The following KCTD19 variants were observed in gnomAD, a reference collection of about 807,000 sequenced individuals.
The protein encoded by KCTD19 is BTB/POZ domain-containing protein KCTD19.
Under a neutral mutation model 103.5 loss-of-function variants are expected in KCTD19, and 67 were observed. The observed-to-expected ratio is 0.65, with a 90% CI of 0.53 to 0.79. The LOEUF is 0.79. KCTD19 is among the 30% of genes least tolerant of loss of function. The pLI, the probability that KCTD19 is intolerant of heterozygous loss-of-function variation, is 0.00. For missense variants in KCTD19, 980 were observed against 1,136.1 expected (o/e 0.86, Z 1.98); for synonymous variants, 439 against 452.2 (o/e 0.97, Z 0.37).
rs374733007 is a variant in KCTD19, at chr16:67,293,740, G to A, written c.2022C>T (p.Ser674=). ...AGGTGCTGGGCTGGGAAGCAGCCTC[G>A]CTTCCCAAGGGGAGCTGCAGGGTGG... ...EEATLQLPLG[S]EAASQPSTSA... Residue 674 remains serine (S), a synonymous_variant, in exon 12 of 16, where the codon AGC becomes AGT. Coordinates refer to ENST00000304372, the MANE Select transcript of KCTD19 (RefSeq NM_001100915.3). This position sits in a 1 kb window ranked among gnomAD's most constrained non-coding sequence, Gnocchi z 4.0. The A allele has an allele frequency of 5.6e-6, 9 of 1,613,984 alleles. No individual in the cohort carries two copies. The highest frequency in any genetic ancestry group is 4.5e-5 in the East Asian group (2 of 44,860).
rs775309307 is a variant in KCTD19 at position 67,294,073 on chromosome 16, C to T, written c.1689G>A (p.Glu563=). The T allele has an allele frequency of 1.9e-6, 3 of 1,614,218 alleles. No individual in the cohort carries two copies. The highest frequency in any genetic ancestry group is 2.5e-6 in the Non-Finnish European group (3 of 1,180,040). The change falls in exon 12 of 16, where the codon GAG becomes GAA. Residue 563 remains glutamate, a synonymous_variant. Coordinates refer to ENST00000304372, the MANE Select transcript of KCTD19 (RefSeq NM_001100915.3). ...GGATGGGCCGAGTGTACTGCTCAGC[C>T]TCATCCATCTGGTTGGACCTGACCA... ...GNLVRSNQMD[E]AEQYTRPIQV... is the part of the protein sequence containing the mutation.
chr16:67,299,250 G>A, intron 6 of KCTD19, 113 bp downstream of exon 6: 2 of 931,066 alleles, frequency 2.1e-6, no homozygotes, highest in Non-Finnish European at 3.4e-6. Flanking sequence ...ATGATGGGCT[G>A]GCCCCAAGGA....
intron 4 of KCTD19, 37 bp from the exon 5 acceptor site, chr16:67,301,959 G>T (rs202093035): frequency 1.2e-6 from 2 of 1,609,750 alleles, no homozygotes; most frequent in African/African-American, 1.3e-5. Context: ...AGTTAATGAG[G>T]CTATTTCTGG....
At chr16:67,314,746 C>T (rs1258359017) in intron 2 of KCTD19, among the ~76,000 whole-genome samples, 1 of 145,802 alleles carries the variant, frequency 6.9e-6, no homozygotes, top group Non-Finnish European at 1.5e-5. Context: ...TATAATCATA[C>T]AATAAGACTG....
chr16:67,296,899 A>G (rs2036771139), intron 7 of KCTD19, among the ~76,000 whole-genome samples: 1 of 152,196 alleles, frequency 6.6e-6, no homozygotes, highest in Admixed American at 6.5e-5. Context: ...TCCAGGAAGA[A>G]AGGGACTAAG....
intron 2 of KCTD19, among the ~76,000 whole-genome samples, chr16:67,314,830 TAGAGAGAGAGAG>T (rs71145965): frequency 2.7e-4 from 9 of 33,650 alleles, no homozygotes; most frequent in African/African-American, 8.5e-4. Context: ...TATATATATA[TAGAGAGAGAGAG>T]AGAGAGAGAG....
chr16:67,301,976 T>C, intron 4 of KCTD19, 54 bp from the exon 5 acceptor site: 1 of 1,589,934 alleles, frequency 6.3e-7, no homozygotes, highest in South Asian at 1.1e-5. Flanking sequence ...CTGGTTTAGC[T>C]GTAGGTCCTG....
chr16:67,289,546 G>A lies in KCTD19; in HGVS notation c.*23C>T, dbSNP rs1028282262. 4 of 1,453,420 alleles carry A rather than the reference G, an allele frequency of 2.8e-6. No individual in the cohort carries two copies. Among genetic ancestry groups the A allele is most frequent in the Non-Finnish European group, 3.9e-6 (4 of 1,034,016 alleles). 90.0% of individuals were successfully genotyped at this position (1,453,420 alleles called of 1,614,324 possible). ...AAATGAGACTTGGCGGGTGGGGCAT[G>A]AGGGGCTGCATCTCTGGGCACCCTA... On this transcript the variant is annotated 3_prime_UTR_variant, in exon 16 of 16. Transcript: ENST00000304372.
At chr16:67,314,080 C>A (rs912373939) in intron 2 of KCTD19, among the ~76,000 whole-genome samples, 1 of 152,126 alleles carries the variant, frequency 6.6e-6, no homozygotes, top group Non-Finnish European at 1.5e-5. Context: ...TGGTATCCAA[C>A]TCCTGGCCTC....
chr16:67,294,607 C>T lies in KCTD19; in HGVS notation c.1563G>A (p.Leu521=), dbSNP rs760756494. 1.9e-6 allele frequency: 3 copies of T among 1,613,666 alleles called. No individual in the cohort carries two copies. Among genetic ancestry groups the T allele is most frequent in the Non-Finnish European group, 2.5e-6 (3 of 1,179,650 alleles). The change falls in exon 11 of 16, where the codon CTG becomes CTA. Residue 521 remains leucine, a synonymous_variant. Transcript: ENST00000304372. ...LHVVTEGPGS[L]VEFSRDTKET... ...CTTTAGTGTCTCTACTGAACTCCAC[C>T]AGTGACCCTGGCCCTTCTGTCACCA...
At chr16:67,312,938 T>C (rs1408258238) in intron 2 of KCTD19, among the ~76,000 whole-genome samples, 1 of 152,148 alleles carries the variant, frequency 6.6e-6, no homozygotes, top group Non-Finnish European at 1.5e-5. Flanking sequence ...CAAGTTTTTT[T>C]CTATAAAAGG....
rs1285419485 is a variant in KCTD19, at chr16:67,299,373, G to A, written c.976C>T (p.Gln326Ter). 6.2e-7 allele frequency: 1 copy of A among 1,614,234 alleles called. No homozygotes were observed. The highest frequency in any genetic ancestry group is 1.7e-5 in the Admixed American group (1 of 60,030). The change falls in exon 6 of 16, where the codon CAG (glutamine) becomes TAG (stop). Residue 326 changes from glutamine to a stop codon, truncating the protein, a stop_gained. Coordinates refer to ENST00000304372, the MANE Select transcript of KCTD19 (RefSeq NM_001100915.3). LOFTEE classifies it high-confidence loss of function. ...TAAGGAGGACCTCACTTGACGTGCT[G>A]AAAGAGGACGCCATTCCCTGTGATG... is the stretch of plus-strand genomic sequence containing the variant. Reference protein sequence around the residue: ...LYITGNGVLFQHVKNWLGTCR... With the variant: ...LYITGNGVLF
Position 67,293,466 on chromosome 16 carries a change from C to T in KCTD19, c.2218+78G>A, listed in dbSNP as rs2036722771. On this transcript the variant is annotated intron_variant, in intron 12 of 15. Coordinates refer to ENST00000304372, the MANE Select transcript of KCTD19 (RefSeq NM_001100915.3). This position sits in a 1 kb window ranked among gnomAD's most constrained non-coding sequence, Gnocchi z 4.0. ...GGGTCTAGTCCTCCTTTGTCACTAACTTGCTCTGCCATCTTGGCCAAAGAG... is the reference window on the plus strand; with the variant it reads ...GGGTCTAGTCCTCCTTTGTCACTAATTTGCTCTGCCATCTTGGCCAAAGAG... 1 of 1,508,114 alleles carries T rather than the reference C, an allele frequency of 6.6e-7. No individual in the cohort carries two copies. 93.4% of individuals were successfully genotyped at this position (1,508,114 alleles called of 1,614,324 possible). A position where few individuals can be genotyped will look rare whatever the true frequency, so the allele number is the denominator to read the frequency against.
intron 4 of KCTD19, 163 bp downstream of exon 4, chr16:67,302,983 T>G: frequency 1.6e-6 from 1 of 631,554 alleles, no homozygotes; most frequent in East Asian, 2.8e-5. Flanking sequence ...AATGCTGGAA[T>G]CTGCTTGCTT....
chr16:67,315,982 C>T (rs540274969), intron 2 of KCTD19, among the ~76,000 whole-genome samples: 1 of 152,212 alleles, frequency 6.6e-6, no homozygotes, highest in African/African-American at 2.4e-5. Flanking sequence ...GCCCCTTTTT[C>T]ATTCAGATTT....
intron 14 of KCTD19, 114 bp downstream of exon 14, chr16:67,291,195 C>T: frequency 1.2e-5 from 16 of 1,349,254 alleles, no homozygotes; most frequent in South Asian, 1.4e-5. Context: ...CCCTGGCCTT[C>T]TCCTTAACCC....
At chr16:67,326,600 G>A (rs772648137) in intron 1 of KCTD19, 105 bp downstream of exon 1, 12 of 1,471,256 alleles carry the variant, frequency 8.2e-6, no homozygotes, top group South Asian at 1.2e-5. Flanking sequence ...TCTCTCCCAT[G>A]CCCCAGAGCC....
chr16:67,295,479 CTCCCCTTT>C (rs759164243), intron 8 of KCTD19, 74 bp from the exon 9 acceptor site: 59 of 1,405,690 alleles, frequency 4.2e-5, no homozygotes, highest in Non-Finnish European at 5.5e-5. Context: ...TCTTCTCTCA[CTCCCCTTT>C]TCCAACTACA....
chr16:67,303,549 T>C lies in KCTD19; in HGVS notation c.452-212A>G, dbSNP rs1033264166. On this transcript the variant is annotated intron_variant, in intron 3 of 15. Coordinates refer to ENST00000304372, the MANE Select transcript of KCTD19 (RefSeq NM_001100915.3). This position sits in a 1 kb window ranked among gnomAD's most constrained non-coding sequence, Gnocchi z 4.3. Reference sequence around the variant, plus strand: ...GGAGTGGGGCATGGAAGTCTATTTTTTTTTCTTTTCTTTTTTGAGATGGAG... The same window carrying C: ...GGAGTGGGGCATGGAAGTCTATTTTCTTTTCTTTTCTTTTTTGAGATGGAG... Among the ~76,000 whole-genome samples, 1 of 152,150 alleles carries C rather than the reference T, an allele frequency of 6.6e-6. No homozygotes were observed. The highest frequency in any genetic ancestry group is 1.5e-5 in the Non-Finnish European group (1 of 68,018).
Sources: gnomAD v4.1 joint callset for allele counts (sites outside exome capture counted in the v4.1 genomes callset) on GRCh38, gnomAD v4.1.1 for gene constraint, Gnocchi (gnomAD v3.1) non-coding constraint, MANE v1.5 for transcripts, NCBI Gene and HGNC (gene_info 2026-07-23, HGNC 2026-07-21) for gene names.